NCALD: variants seen among roughly 807,000 people sequenced by gnomAD.
The protein encoded by NCALD is neurocalcin delta, also known as neurocalcin-delta.
NCALD carries 10 observed loss-of-function variants against 18.6 expected under a neutral mutation model. That is an observed-to-expected ratio of 0.54 (90% CI 0.33 to 0.91). NCALD has a LOEUF of 0.91. NCALD is among the 40% of genes least tolerant of loss of function. The pLI, the probability that NCALD is intolerant of heterozygous loss-of-function variation, is 0.03. For missense variants in NCALD, 184 were observed against 247.6 expected (o/e 0.74, Z 1.72); for synonymous variants, 88 against 87.4 (o/e 1.01, Z -0.04).
chr8:101,940,119 C>T lies in NCALD; in HGVS notation c.-156-24261G>A, dbSNP rs115714707. 4.2e-3 allele frequency among the ~76,000 whole-genome samples: 645 copies of T among 152,284 alleles called. 7 individuals carry two copies. Among genetic ancestry groups the T allele is most frequent in the African/African-American group, 0.015 (611 of 41,544 alleles). ...TTTAAACATTTGTCCACATCTTGAG[C>T]ATAGTGAATTTTGTTCCATTTGCAA... On this transcript the variant is annotated intron_variant, in intron 2 of 6. Coordinates refer to the NCALD transcript ENST00000311028.
chr8:101,935,138 A>G (rs1818713480), intron 2 of NCALD, among the ~76,000 whole-genome samples: 1 of 152,180 alleles, frequency 6.6e-6, no homozygotes, highest in East Asian at 1.9e-4. Context: ...TCTACATCAA[A>G]AAGGCAAAAT....
intron 1 of NCALD, among the ~76,000 whole-genome samples, chr8:101,737,493 C>T (rs1436163470): frequency 1.3e-5 from 2 of 152,222 alleles, no homozygotes; most frequent in Non-Finnish European, 1.5e-5. Flanking sequence ...ACCCCATAGC[C>T]TCGTACTCAG....
At chr8:101,821,927 A>T (rs1813739411) in intron 4 of NCALD, among the ~76,000 whole-genome samples, 1 of 150,348 alleles carries the variant, frequency 6.7e-6, no homozygotes, top group Admixed American at 6.6e-5. Flanking sequence ...TTTCCAGCAT[A>T]CCAGGCCCCC....
rs1193055988 is a variant in NCALD, at chr8:101,801,704, T to C, written c.-19-82056A>G. On this transcript the variant is annotated intron_variant, in intron 4 of 6. Coordinates refer to the NCALD transcript ENST00000311028. ...TTTTTTGAGACGGAATCTCCCTCTG[T>C]CGCCCAGGCTGGAGTGCAGTGGCAC... is the stretch of plus-strand genomic sequence containing the variant. Among the ~76,000 whole-genome samples the C allele has an allele frequency of 3.2e-5, 4 of 125,398 alleles. No individual in the cohort carries two copies. The East Asian group carries it at 1.1e-3, about 33-fold the overall frequency. The allele number at this position is 125,398 out of a possible 152,430, so 82.3% of individuals were successfully genotyped here. A position where few individuals can be genotyped will look rare whatever the true frequency, so the allele number is the denominator to read the frequency against.
chr8:101,819,522 A>G (rs193252477), intron 4 of NCALD, among the ~76,000 whole-genome samples: 1 of 152,006 alleles, frequency 6.6e-6, no homozygotes, highest in African/African-American at 2.4e-5. Context: ...CCCAATTCCC[A>G]ATTTATCCCA....
At chr8:101,978,293 T>A (rs1820497643) in intron 2 of NCALD, among the ~76,000 whole-genome samples, 1 of 152,204 alleles carries the variant, frequency 6.6e-6, no homozygotes, top group African/African-American at 2.4e-5. Context: ...AGCACTTGTA[T>A]CATAATCAAG....
intron 2 of NCALD, among the ~76,000 whole-genome samples, chr8:101,979,094 C>A (rs1288392092): frequency 6.6e-6 from 1 of 152,068 alleles, no homozygotes; most frequent in African/African-American, 2.4e-5. Flanking sequence ...AGAGCCAAAC[C>A]CCAGAGAAGC....
intron 3 of NCALD, among the ~76,000 whole-genome samples, chr8:101,902,664 G>A (rs901996216): frequency 1.3e-5 from 2 of 152,124 alleles, no homozygotes; most frequent in Admixed American, 6.5e-5. Context: ...CCTTTTCAAC[G>A]CCAGCCCTAC....
chr8:101,690,507 G>C, intron 3 of NCALD: 1 of 985,392 alleles, frequency 1.0e-6, no homozygotes, highest in Non-Finnish European at 1.2e-6. Context: ...ATAGCCTCCA[G>C]TATCTATCTT....
chr8:101,834,178 A>G (rs1243869128), intron 4 of NCALD, among the ~76,000 whole-genome samples: 1 of 152,242 alleles, frequency 6.6e-6, no homozygotes, highest in African/African-American at 2.4e-5. Context: ...GGAGCATGAA[A>G]CAGAAAAAGG....
At chr8:101,703,228 T>G (rs537895837) in intron 2 of NCALD, among the ~76,000 whole-genome samples, 29 of 152,124 alleles carry the variant, frequency 1.9e-4, no homozygotes, top group Non-Finnish European at 3.1e-4. Flanking sequence ...GGTTTCTAAG[T>G]TTTTTCAAGA....
At chr8:102,009,238 T>G (rs1477888810) in intron 2 of NCALD, among the ~76,000 whole-genome samples, 1 of 152,202 alleles carries the variant, frequency 6.6e-6, no homozygotes, top group Non-Finnish European at 1.5e-5. Context: ...TCCAATGACC[T>G]TTCTATTAAG....
intron 1 of NCALD, among the ~76,000 whole-genome samples, chr8:102,109,300 G>T (rs868808222): frequency 3.4e-5 from 5 of 146,948 alleles, no homozygotes; most frequent in African/African-American, 9.9e-5. Flanking sequence ...GAAATGAAAG[G>T]TTTTTTTTTT....
intron 1 of NCALD, among the ~76,000 whole-genome samples, chr8:102,056,764 G>A (rs1442862100): frequency 1.3e-5 from 2 of 152,244 alleles, no homozygotes; most frequent in African/African-American, 4.8e-5. Flanking sequence ...TACACCTACT[G>A]TGTCCAGGCA....
At chr8:101,832,974 T>C (rs1011381225) in intron 4 of NCALD, among the ~76,000 whole-genome samples, 2 of 152,224 alleles carry the variant, frequency 1.3e-5, no homozygotes, top group Non-Finnish European at 2.9e-5. Context: ...TCTTATATTG[T>C]GGCCATGTTT....
chr8:102,118,618 T>C (rs959671989), intron 1 of NCALD, among the ~76,000 whole-genome samples: 4 of 152,240 alleles, frequency 2.6e-5, no homozygotes, highest in African/African-American at 9.6e-5. Context: ...TTACATTTCC[T>C]CCCCAAGTTC....
intron 2 of NCALD, among the ~76,000 whole-genome samples, chr8:101,978,348 C>G (rs958412591): frequency 6.6e-6 from 1 of 152,184 alleles, no homozygotes; most frequent in African/African-American, 2.4e-5. Flanking sequence ...CAGAGATTAT[C>G]ACCATCCTCA....
intron 1 of NCALD, among the ~76,000 whole-genome samples, chr8:101,734,448 T>C (rs529927200): frequency 8.6e-4 from 131 of 152,340 alleles, no homozygotes; most frequent in Non-Finnish European, 1.2e-3. Context: ...TAAACTCCAC[T>C]GTAGGGGGAT....
intron 1 of NCALD, among the ~76,000 whole-genome samples, chr8:102,029,426 T>C (rs1822585985): frequency 6.6e-6 from 1 of 152,194 alleles, no homozygotes; most frequent in Admixed American, 6.5e-5. Flanking sequence ...TCTTCTACAA[T>C]AGAACTCATA....
Sources: allele counts gnomAD v4.1 joint callset (sites outside exome capture counted in the v4.1 genomes callset), GRCh38; gene constraint gnomAD v4.1.1; transcripts MANE v1.5; gene names NCBI Gene and HGNC (gene_info 2026-07-23, HGNC 2026-07-21).